SAMD4A: variants seen among roughly 807,000 people sequenced by gnomAD.
SAMD4A encodes sterile alpha motif domain containing 4A, also known as protein Smaug homolog 1.
SAMD4A carries 33 observed loss-of-function variants against 81.3 expected under a neutral mutation model. That is an observed-to-expected ratio of 0.41 (90% CI 0.31 to 0.54). SAMD4A has a LOEUF of 0.54. Among genes scored for constraint, SAMD4A ranks in the 20% least tolerant of loss-of-function variants. The pLI, the probability that SAMD4A is intolerant of heterozygous loss-of-function variation, is 0.37. For missense variants in SAMD4A, 854 were observed against 951.1 expected (o/e 0.90, Z 1.34); for synonymous variants, 389 against 382.1 (o/e 1.02, Z -0.21).
At chr14:54,767,850 C>G (rs1260438170) in intron 8 of SAMD4A, among the ~76,000 whole-genome samples, 1 of 152,230 alleles carries the variant, frequency 6.6e-6, no homozygotes, top group Non-Finnish European at 1.5e-5. Flanking sequence ...CAACCGAGCA[C>G]CACATCCCCA....
At chr14:54,671,380 A>G (rs777849446) in intron 2 of SAMD4A, among the ~76,000 whole-genome samples, 3 of 152,168 alleles carry the variant, frequency 2.0e-5, no homozygotes, top group Non-Finnish European at 2.9e-5. Flanking sequence ...CTGGATAATA[A>G]TAGTACCTAG....
At chr14:54,571,180 G>T (rs553315749) in intron 2 of SAMD4A, among the ~76,000 whole-genome samples, 28 of 152,304 alleles carry the variant, frequency 1.8e-4, no homozygotes, top group African/African-American at 6.7e-4. Flanking sequence ...AATTTATTGA[G>T]AATCTAGTGA....
At chr14:54,583,015 C>T (rs778457976) in intron 2 of SAMD4A, among the ~76,000 whole-genome samples, 2 of 152,094 alleles carry the variant, frequency 1.3e-5, no homozygotes, top group Non-Finnish European at 2.9e-5. Flanking sequence ...GCAATCTCGG[C>T]CCACTGCAAC....
At chr14:54,587,933 A>G (rs764399982) in intron 2 of SAMD4A, among the ~76,000 whole-genome samples, 10 of 152,118 alleles carry the variant, frequency 6.6e-5, no homozygotes, top group Admixed American at 2.0e-4. Flanking sequence ...CTCTTTCTCT[A>G]TCTTTTGGAA....
At chr14:54,778,264 C>T (rs2038911212) in intron 11 of SAMD4A, among the ~76,000 whole-genome samples, 1 of 152,216 alleles carries the variant, frequency 6.6e-6, no homozygotes, top group African/African-American at 2.4e-5. Flanking sequence ...AGACTAGGTC[C>T]AGACAGTCCC....
Position 54,777,856 on chromosome 14 carries a change from C to T in SAMD4A, c.2044+1316C>T, listed in dbSNP as rs577411723. Among the ~76,000 whole-genome samples the T allele has an allele frequency of 8.1e-4, 123 of 152,294 alleles. 1 individual carries two copies. The highest frequency in any genetic ancestry group is 2.9e-3 in the African/African-American group (119 of 41,548). On this transcript the variant is annotated intron_variant, in intron 11 of 12. Coordinates refer to ENST00000554335, the MANE Select transcript of SAMD4A (RefSeq NM_015589.6). ...AAAGCTCCTTTTCTCTATATTTATG[C>T]ACCAAAATATAACAATATAATTACA...
intron 2 of SAMD4A, among the ~76,000 whole-genome samples, chr14:54,626,505 C>T (rs2034768088): frequency 1.3e-5 from 2 of 152,182 alleles, no homozygotes; most frequent in African/African-American, 2.4e-5. Context: ...GCTTTGCCCA[C>T]AGGTGTTCGG....
intron 2 of SAMD4A, among the ~76,000 whole-genome samples, chr14:54,580,995 T>A (rs1280939484): frequency 6.6e-6 from 1 of 152,210 alleles, no homozygotes; most frequent in African/African-American, 2.4e-5. Flanking sequence ...GTTACCAAGA[T>A]ACATGTGATA....
chr14:54,656,169 C>A (rs867573869), intron 2 of SAMD4A, among the ~76,000 whole-genome samples: 2 of 152,160 alleles, frequency 1.3e-5, no homozygotes. Context: ...CTTTAACTTT[C>A]CTTACTGTAG....
chr14:54,768,027 G>A (rs1245805640), intron 8 of SAMD4A, among the ~76,000 whole-genome samples: 1 of 152,214 alleles, frequency 6.6e-6, no homozygotes, highest in Non-Finnish European at 1.5e-5. Flanking sequence ...TGCCACCAGG[G>A]AAGATGTCAT....
chr14:54,574,337 A>C (rs1366707162), intron 2 of SAMD4A, among the ~76,000 whole-genome samples: 1 of 152,230 alleles, frequency 6.6e-6, no homozygotes. Context: ...GAGAAGCTGA[A>C]TGGAAGAAGT....
intron 2 of SAMD4A, among the ~76,000 whole-genome samples, chr14:54,589,357 C>G (rs1375939003): frequency 6.6e-6 from 1 of 152,142 alleles, no homozygotes; most frequent in African/African-American, 2.4e-5. Flanking sequence ...CATGTTTTTA[C>G]TCCCATGAGT....
intron 2 of SAMD4A, among the ~76,000 whole-genome samples, chr14:54,595,039 T>C (rs2033876151): frequency 6.6e-6 from 1 of 152,238 alleles, no homozygotes; most frequent in Non-Finnish European, 1.5e-5. Context: ...ACCTACTCTG[T>C]GCCATGAATA....
At chr14:54,788,604 C>G (rs1036001478) in intron 12 of SAMD4A, among the ~76,000 whole-genome samples, 1 of 152,162 alleles carries the variant, frequency 6.6e-6, no homozygotes, top group Non-Finnish European at 1.5e-5. Context: ...GGTACCTACT[C>G]CATTACAGCA....
intron 3 of SAMD4A, among the ~76,000 whole-genome samples, chr14:54,726,152 A>G (rs185067126): frequency 6.6e-6 from 1 of 152,190 alleles, no homozygotes; most frequent in Non-Finnish European, 1.5e-5. Context: ...GACTAAAAGA[A>G]AATGTGCCTG....
chr14:54,749,060 G>A (rs1276647936), intron 5 of SAMD4A, 136 bp downstream of exon 5: 1 of 612,634 alleles, frequency 1.6e-6, no homozygotes, highest in East Asian at 2.8e-5. Context: ...GTGGGGTGCT[G>A]GCCAGCATTC....
intron 11 of SAMD4A, among the ~76,000 whole-genome samples, chr14:54,780,523 A>G (rs558193186): frequency 6.6e-6 from 1 of 152,230 alleles, no homozygotes; most frequent in Non-Finnish European, 1.5e-5. Flanking sequence ...CAGGGACCCA[A>G]GTACAGTACT....
chr14:54,764,616 A>C (rs1471475350), intron 8 of SAMD4A, 76 bp downstream of exon 8: 1 of 975,508 alleles, frequency 1.0e-6, no homozygotes, highest in Non-Finnish European at 1.6e-6. Context: ...CTGTGATGTG[A>C]TCATTTTAGC....
chr14:54,682,897 G>C (rs138363275), intron 2 of SAMD4A, among the ~76,000 whole-genome samples: 130 of 152,316 alleles, frequency 8.5e-4, no homozygotes, highest in Non-Finnish European at 1.7e-3. Flanking sequence ...CATGGGTTTT[G>C]GTATTGCTGG....
Sources: gnomAD v4.1 joint callset for allele counts (sites outside exome capture counted in the v4.1 genomes callset) on GRCh38, gnomAD v4.1.1 for gene constraint, MANE v1.5 for transcripts, NCBI Gene and HGNC (gene_info 2026-07-23, HGNC 2026-07-21) for gene names.